The following ALK variants were observed in gnomAD, a reference collection of about 807,000 sequenced individuals.
ALK encodes the protein ALK receptor tyrosine kinase.
In ALK, 74 loss-of-function variants were observed where a neutral mutation model predicts 163.1. The observed-to-expected ratio is 0.45, with a 90% CI of 0.38 to 0.55. The LOEUF is 0.55. Among genes scored for constraint, ALK ranks in the 20% least tolerant of loss-of-function variants. The probability of loss-of-function intolerance (pLI) is 0.00; values close to 1 mark genes in which losing one functional copy is unlikely to be tolerated. For missense variants in ALK, 2,063 were observed against 2,105.3 expected (o/e 0.98, Z 0.39); for synonymous variants, 960 against 843.2 (o/e 1.14, Z -2.40).
chr2:29,360,174 G>T (rs1016470793), intron 5 of ALK, among the ~76,000 whole-genome samples: 1 of 152,270 alleles, frequency 6.6e-6, no homozygotes, highest in East Asian at 1.9e-4. Flanking sequence ...ACCCACTTTG[G>T]TTTCCTTCTT....
intron 12 of ALK, among the ~76,000 whole-genome samples, chr2:29,244,549 T>A (rs1444751764): frequency 6.6e-6 from 1 of 152,146 alleles, no homozygotes; most frequent in Non-Finnish European, 1.5e-5. Context: ...TCCTGGCCAG[T>A]GTAGCCCTAA....
intron 5 of ALK, among the ~76,000 whole-genome samples, chr2:29,382,324 G>T (rs1006942132): frequency 2.0e-4 from 31 of 152,220 alleles, no homozygotes; most frequent in African/African-American, 7.2e-4. Context: ...GACTCACTGC[G>T]AATGCAACAC....
chr2:29,864,010 A>G (rs756240115), intron 1 of ALK, among the ~76,000 whole-genome samples: 2 of 152,228 alleles, frequency 1.3e-5, no homozygotes, highest in Non-Finnish European at 2.9e-5. Context: ...TTGGACTAAC[A>G]TAATGCTTTA....
In ALK at chr2:29,576,083, G is replaced by A. The variant is rs1308100769; in HGVS notation, c.953-43967C>T. On this transcript the variant is annotated intron_variant, in intron 3 of 28. Coordinates refer to ENST00000389048, the MANE Select transcript of ALK (RefSeq NM_004304.5). Reference sequence around the variant, plus strand: ...CCCATTTCATAATTAGCCAGTGGGTGCACGGGGTGCAGTCAGGAACTGGGG... The same window carrying A: ...CCCATTTCATAATTAGCCAGTGGGTACACGGGGTGCAGTCAGGAACTGGGG... Among the ~76,000 whole-genome samples the A allele has an allele frequency of 2.6e-5, 4 of 152,318 alleles. No homozygotes were observed. In the East Asian group the frequency reaches 5.8e-4, roughly 22 times the overall value.
rs1664467548 is a variant in ALK at position 29,239,540 on chromosome 2, G to A, written c.2355+140C>T. On this transcript the variant is annotated intron_variant, in intron 13 of 28. Coordinates refer to ENST00000389048, the MANE Select transcript of ALK (RefSeq NM_004304.5). ...CACTGGGGTGCTGGGAGTTTGCAAAGCTGCTGTTTAATTACTCTTTGCTGT... is the reference window on the plus strand; with the variant it reads ...CACTGGGGTGCTGGGAGTTTGCAAAACTGCTGTTTAATTACTCTTTGCTGT... 5.4e-6 allele frequency: 6 copies of A among 1,103,006 alleles called. No homozygotes were observed. The South Asian group carries it at 6.6e-5, about 12-fold the overall frequency. 68.3% of individuals were successfully genotyped at this position (1,103,006 alleles called of 1,614,324 possible).
chr2:29,713,288 A>G (rs910701278), intron 2 of ALK, among the ~76,000 whole-genome samples: 4 of 152,160 alleles, frequency 2.6e-5, no homozygotes, highest in Non-Finnish European at 4.4e-5. Flanking sequence ...CTCTATTTCC[A>G]AATAAGGTCA....
chr2:29,498,269 G>T (rs1381256345), intron 4 of ALK, among the ~76,000 whole-genome samples: 2 of 152,186 alleles, frequency 1.3e-5, no homozygotes, highest in Admixed American at 6.5e-5. Flanking sequence ...GGGGGAGGAG[G>T]TTGGGAGATA....
intron 2 of ALK, among the ~76,000 whole-genome samples, chr2:29,699,679 A>C (rs1347120825): frequency 6.6e-6 from 1 of 152,240 alleles, no homozygotes; most frequent in Non-Finnish European, 1.5e-5. Context: ...GACCTTCAGG[A>C]GGATCCAGAG....
chr2:29,200,759 ATG>A (rs1558608679), intron 26 of ALK, among the ~76,000 whole-genome samples: 2,091 of 109,752 alleles, frequency 0.019, 85 homozygotes, highest in African/African-American at 0.11. Context: ...ATACGTATAT[ATG>A]TATATATATA....
chr2:29,368,696 G>A (rs1376901057), intron 5 of ALK, among the ~76,000 whole-genome samples: 4 of 152,148 alleles, frequency 2.6e-5, no homozygotes, highest in Non-Finnish European at 4.4e-5. Context: ...GTGGGAAGTG[G>A]TAAGACCTCA....
At chr2:29,476,100 T>C (rs1316283043) in intron 4 of ALK, among the ~76,000 whole-genome samples, 1 of 152,142 alleles carries the variant, frequency 6.6e-6, no homozygotes, top group Non-Finnish European at 1.5e-5. Context: ...CAACTTAGGA[T>C]GCTGGGACCA....
intron 4 of ALK, among the ~76,000 whole-genome samples, chr2:29,387,877 T>G (rs976300189): frequency 3.3e-5 from 5 of 152,160 alleles, no homozygotes; most frequent in African/African-American, 1.2e-4. Context: ...ATATTATTGC[T>G]CCAAGACTGC....
intron 1 of ALK, among the ~76,000 whole-genome samples, chr2:29,880,524 G>T (rs558138169): frequency 6.6e-6 from 1 of 152,172 alleles, no homozygotes; most frequent in Non-Finnish European, 1.5e-5. Context: ...CTTAGTGGCT[G>T]TCACCCACCC....
At chr2:29,357,285 C>T (rs751115146) in intron 5 of ALK, among the ~76,000 whole-genome samples, 4 of 151,992 alleles carry the variant, frequency 2.6e-5, no homozygotes, top group Non-Finnish European at 2.9e-5. Flanking sequence ...AGTTCTTTGC[C>T]CTCATCTCCT....
chr2:29,549,880 G>A (rs902112481), intron 3 of ALK, among the ~76,000 whole-genome samples: 1 of 152,128 alleles, frequency 6.6e-6, no homozygotes, highest in African/African-American at 2.4e-5. Context: ...TTCTTATGAT[G>A]TGGTTTCTAG....
Position 29,228,917 on chromosome 2 carries a change from A to AG in ALK, c.2781_2782insC (p.Cys928LeufsTer20). On this transcript the variant is annotated frameshift_variant, in exon 16 of 29. Coordinates refer to ENST00000389048, the MANE Select transcript of ALK (RefSeq NM_004304.5). LOFTEE classifies it high-confidence loss of function. ...CCTCCGCCTCCTCCACCTGAGGAGC[A>AG]CCCCCCTCCACCCCCTCCGAAACCC... is the stretch of plus-strand genomic sequence containing the variant. 4 of 1,374,984 alleles carry AG rather than the reference A, an allele frequency of 2.9e-6. No homozygotes were observed. Among genetic ancestry groups the AG allele is most frequent in the South Asian group, 1.2e-5 (1 of 86,340 alleles). The allele number at this position is 1,374,984 out of a possible 1,614,324, so 85.2% of individuals were successfully genotyped here.
chr2:29,800,083 G>T (rs760360584), intron 1 of ALK, among the ~76,000 whole-genome samples: 1 of 152,338 alleles, frequency 6.6e-6, no homozygotes, highest in African/African-American at 2.4e-5. Flanking sequence ...TAAGAATGAT[G>T]ACAGTCCGGA....
chr2:29,477,709 G>T (rs750282262), intron 4 of ALK, among the ~76,000 whole-genome samples: 8 of 152,176 alleles, frequency 5.3e-5, no homozygotes, highest in Non-Finnish European at 1.0e-4. Flanking sequence ...CAGGCAGAGG[G>T]ATGGAGAGGG....
intron 11 of ALK, among the ~76,000 whole-genome samples, chr2:29,269,303 C>A (rs144373820): frequency 6.6e-6 from 1 of 152,172 alleles, no homozygotes; most frequent in African/African-American, 2.4e-5. Context: ...ACCCTGTCAC[C>A]GTCACCAGGT....
Sources: allele counts gnomAD v4.1 joint callset (sites outside exome capture counted in the v4.1 genomes callset), GRCh38; gene constraint gnomAD v4.1.1; transcripts MANE v1.5; gene names NCBI Gene and HGNC (gene_info 2026-07-23, HGNC 2026-07-21).